Variants in OARD1 observed in about 807,000 individuals in gnomAD.
OARD1 encodes the protein O-acyl-ADP-ribose deacylase 1, also known as ADP-ribose glycohydrolase OARD1.
In OARD1, 19 loss-of-function variants were observed where a neutral mutation model predicts 19.7. The ratio of observed to expected loss-of-function variants is 0.96; its 90% CI spans 0.67 to 1.41. OARD1 has a LOEUF of 1.41. OARD1 is among the 40% of genes most tolerant of loss of function. The pLI is 0.00. For missense variants in OARD1, 190 were observed against 183.8 expected (o/e 1.03, Z -0.20); for synonymous variants, 70 against 61.8 (o/e 1.13, Z -0.62).
chr6:41,067,482 A>C (rs1204651378), intron 5 of OARD1, 45 bp from the exon 6 acceptor site: 1 of 1,293,750 alleles, frequency 7.7e-7, no homozygotes, highest in Non-Finnish European at 1.1e-6. Context: ...GAAAGTATCT[A>C]GGAAACTGCT....
At chr6:41,074,544 TC>T (rs1300373169), upstream of OARD1, among the ~76,000 whole-genome samples, 1 of 152,212 alleles carries the variant, frequency 6.6e-6, no homozygotes, top group East Asian at 1.9e-4. Context: ...TGGTAATTCT[TC>T]CACAGGAAAG....
Position 41,067,414 on chromosome 6 carries a change from AGAC to A in OARD1, c.377_379del (p.Arg126del). 1 of 1,613,352 alleles carries A rather than the reference AGAC, an allele frequency of 6.2e-7. No homozygotes were observed. The highest frequency in any genetic ancestry group is 8.5e-7 in the Non-Finnish European group (1 of 1,179,348). ...CATCGCAGATACATTTTCCCATTGC[AGAC>A]GATCAAGACCACATCCAATCCTGAA... On this transcript the variant is annotated inframe_deletion, in exon 6 of 6. Coordinates refer to ENST00000424266, the MANE Select transcript of OARD1 (RefSeq NM_001329686.2).
chr6:41,070,906 A>G, intron 3 of OARD1: 1 of 610,032 alleles, frequency 1.6e-6, no homozygotes, highest in South Asian at 2.0e-5. Flanking sequence ...GTACAGTAAT[A>G]TCGTCAAGAA....
At chr6:41,097,461 G>A (rs1764394026) in intron 1 of OARD1, 1 of 1,582,860 alleles carries the variant, frequency 6.3e-7, no homozygotes, top group African/African-American at 1.3e-5. Context: ...CACTGTTCCA[G>A]GAAATTGATC....
At chr6:41,095,256 A>G (rs896143913) in intron 1 of OARD1, among the ~76,000 whole-genome samples, 1 of 152,054 alleles carries the variant, frequency 6.6e-6, no homozygotes, top group Admixed American at 6.6e-5. Flanking sequence ...GCTCCTGTCT[A>G]CCTCTAACTG....
chr6:41,066,518 C>G lies in OARD1; in HGVS notation c.*817G>C, dbSNP rs1763015010. 1 of 152,164 alleles carries G rather than the reference C, an allele frequency of 6.6e-6. No individual in the cohort carries two copies. Among genetic ancestry groups the G allele is most frequent in the South Asian group, 2.1e-4 (1 of 4,830 alleles). 9.4% of individuals were successfully genotyped at this position (152,164 alleles called of 1,614,324 possible). A position where few individuals can be genotyped will look rare whatever the true frequency, so the allele number is the denominator to read the frequency against. ...GGGTCACTAGTCTGTGCTAAGTACTCTGCCAGGCATTTAACATACATTATT... is the reference window on the plus strand; with the variant it reads ...GGGTCACTAGTCTGTGCTAAGTACTGTGCCAGGCATTTAACATACATTATT... On this transcript the variant is annotated 3_prime_UTR_variant, in exon 6 of 6. Transcript: ENST00000424266.
At chr6:41,083,092 T>C (rs185674731) in intron 1 of OARD1, among the ~76,000 whole-genome samples, 11 of 152,368 alleles carry the variant, frequency 7.2e-5, no homozygotes, top group Admixed American at 7.2e-4. Context: ...CTGTCAAAGA[T>C]AGAGTCTGAA....
chr6:41,090,374 A>G, intron 1 of OARD1: 1 of 942,892 alleles, frequency 1.1e-6, no homozygotes, highest in Non-Finnish European at 1.7e-6. Flanking sequence ...TAGACAACTG[A>G]CATCTTTAGA....
chr6:41,094,589 C>A, intron 1 of OARD1: 2 of 874,650 alleles, frequency 2.3e-6, no homozygotes, highest in Non-Finnish European at 1.9e-6. Flanking sequence ...TATTTTCCTA[C>A]TCTGGGACTA....
intron 1 of OARD1, among the ~76,000 whole-genome samples, chr6:41,086,840 A>G (rs1764059225): frequency 6.6e-6 from 1 of 152,206 alleles, no homozygotes; most frequent in African/African-American, 2.4e-5. Flanking sequence ...TTTCTAATTC[A>G]TACTGTATTT....
chr6:41,071,415 C>T (rs548651735), intron 2 of OARD1, 139 bp from the exon 3 acceptor site: 654 of 1,015,978 alleles, frequency 6.4e-4, no homozygotes, highest in Non-Finnish European at 8.6e-4. Flanking sequence ...AAACCAATTA[C>T]AGCATGTGTA....
intron 1 of OARD1, chr6:41,079,001 T>C: frequency 8.9e-7 from 1 of 1,124,890 alleles, no homozygotes; most frequent in Non-Finnish European, 1.3e-6. Context: ...CAATCTCACT[T>C]TAGTTTCTTT....
chr6:41,067,206 G>T lies in OARD1; in HGVS notation c.*129C>A. Reference sequence around the variant, plus strand: ...CAAATACTTGAATACAGCAACCAAAGTCTGTCTTGTTAAACACACTACTTC... The same window carrying T: ...CAAATACTTGAATACAGCAACCAAATTCTGTCTTGTTAAACACACTACTTC... On this transcript the variant is annotated 3_prime_UTR_variant, in exon 6 of 6. Transcript: ENST00000424266. 1.9e-6 allele frequency: 1 copy of T among 526,010 alleles called. No homozygotes were observed. The allele number at this position is 526,010 out of a possible 1,614,324, so 32.6% of individuals were successfully genotyped here.
intron 3 of OARD1, 166 bp downstream of exon 3, chr6:41,070,966 T>G (rs1488534602): frequency 8.7e-6 from 6 of 688,864 alleles, no homozygotes; most frequent in African/African-American, 1.8e-5. Context: ...AGGAGTTGGG[T>G]TTTGATATGG....
intron 1 of OARD1, among the ~76,000 whole-genome samples, chr6:41,087,487 A>G (rs968684412): frequency 2.0e-5 from 3 of 152,232 alleles, no homozygotes; most frequent in Admixed American, 1.3e-4. Flanking sequence ...TGACCTGGCT[A>G]TAAAAATCTA....
chr6:41,074,478 C>G (rs1012436712), upstream of OARD1, among the ~76,000 whole-genome samples: 1 of 152,240 alleles, frequency 6.6e-6, no homozygotes, highest in African/African-American at 2.4e-5. Context: ...CATGCGTGAG[C>G]TAGCCTCCGT....
rs1762959035 is a variant in OARD1 at position 41,065,199 on chromosome 6, T to C, written c.*2136A>G. 1 of 152,176 alleles carries C rather than the reference T, an allele frequency of 6.6e-6. No individual in the cohort carries two copies. The highest frequency in any genetic ancestry group is 1.5e-5 in the Non-Finnish European group (1 of 68,034). The allele number at this position is 152,176 out of a possible 1,614,324, so 9.4% of individuals were successfully genotyped here. On this transcript the variant is annotated 3_prime_UTR_variant, in exon 6 of 6. Coordinates refer to ENST00000424266, the MANE Select transcript of OARD1 (RefSeq NM_001329686.2). ...TAGGTTTTGTCTAAAGAATCAAGGC[T>C]CAAACGCCAAGAAAAAAATAATAAT... is the stretch of plus-strand genomic sequence containing the variant.
intron 5 of OARD1, 133 bp downstream of exon 5, chr6:41,068,708 T>A: frequency 1.9e-6 from 1 of 532,596 alleles, no homozygotes; most frequent in East Asian, 3.3e-5. Context: ...CACTGGTGGT[T>A]TTACAAAATT....
At chr6:41,075,254 G>A (rs2268187), upstream of OARD1, 59,850 of 151,998 alleles carry the variant, frequency 0.39, 12,426 homozygotes, top group African/African-American at 0.52. Context: ...TGGCGCAATC[G>A]TAGCTCACTA....
Sources: gnomAD v4.1 joint callset for allele counts (sites outside exome capture counted in the v4.1 genomes callset) on GRCh38, gnomAD v4.1.1 for gene constraint, MANE v1.5 for transcripts, NCBI Gene and HGNC (gene_info 2026-07-23, HGNC 2026-07-21) for gene names.